CCDC163: variants seen among roughly 807,000 people sequenced by gnomAD.
CCDC163 encodes CCDC163 homolog.
Under a neutral mutation model 8.2 loss-of-function variants are expected in CCDC163, and 13 were observed. The ratio of observed to expected loss-of-function variants is 1.59; its 90% confidence interval spans 1.04 to 2.54. CCDC163 has a LOEUF of 2.54. CCDC163 is among the 30% of genes most tolerant of loss of function. CCDC163 has a pLI of 0.00. For synonymous variants in CCDC163, 41 were observed against 30.9 expected (o/e 1.33, Z -1.08); for missense variants, 117 against 78.6 (o/e 1.49, Z -1.85).
Position 45,500,063 on chromosome 1 carries a change from G to A in CCDC163, c.-454C>T. 1.8e-6 allele frequency: 1 copy of A among 555,258 alleles called. No homozygotes were observed. The highest frequency in any genetic ancestry group is 3.2e-6 in the Non-Finnish European group (1 of 308,480). 34.4% of individuals were successfully genotyped at this position (555,258 alleles called of 1,614,324 possible). A position where few individuals can be genotyped will look rare whatever the true frequency, so the allele number is the denominator to read the frequency against. ...CTTGCGAACACAACCGGCGATGGAGGCGGTGGAACTACCTTTCTCTAGAAG... is the reference window on the plus strand; with the variant it reads ...CTTGCGAACACAACCGGCGATGGAGACGGTGGAACTACCTTTCTCTAGAAG... On this transcript the variant is annotated 5_prime_UTR_variant, in exon 1 of 5. Transcript: ENST00000629482.
At chr1:45,498,751 T>C (rs1295441921) in intron 2 of CCDC163, 1 of 160,460 alleles carries the variant, frequency 6.2e-6, no homozygotes, top group East Asian at 1.9e-4. Flanking sequence ...TGTGGCAAAA[T>C]TGTGTGCATA....
Position 45,494,548 on chromosome 1 carries a change from C to G in CCDC163, c.*511G>C, listed in dbSNP as rs1199343647. 2 of 158,726 alleles carry G rather than the reference C, an allele frequency of 1.3e-5. No homozygotes were observed. The highest frequency in any genetic ancestry group is 2.8e-5 in the Non-Finnish European group (2 of 71,590). The allele number at this position is 158,726 out of a possible 1,614,324, so 9.8% of individuals were successfully genotyped here. A position where few individuals can be genotyped will look rare whatever the true frequency, so the allele number is the denominator to read the frequency against. ...AGATCCAAGTCCCACCAGAATATCT[C>G]ATCCTCCTTTGCATCCCCCAGCACT... is the stretch of plus-strand genomic sequence containing the variant. On this transcript the variant is annotated 3_prime_UTR_variant, in exon 5 of 5. Coordinates refer to ENST00000629482, the MANE Select transcript of CCDC163 (RefSeq NM_001102601.3).
Position 45,496,635 on chromosome 1 carries a change from A to C in CCDC163, c.263-12T>G. The C allele has an allele frequency of 1.3e-6, 1 of 777,724 alleles. No individual in the cohort carries two copies. Among genetic ancestry groups the C allele is most frequent in the South Asian group, 1.4e-5 (1 of 73,728 alleles). 48.2% of individuals were successfully genotyped at this position (777,724 alleles called of 1,614,324 possible). A position where few individuals can be genotyped will look rare whatever the true frequency, so the allele number is the denominator to read the frequency against. ...CTCCTGGTGCTGGCCTGCAGATGAG[A>C]GAGAATGTAAGGGGGCTGTTCCCCA... On this transcript the variant is annotated splice_polypyrimidine_tract_variant and intron_variant, in intron 3 of 4. Transcript: ENST00000629482.
At position 45,495,036 on chromosome 1, in the gene CCDC163, C is replaced by T. The variant is rs1301710018; in HGVS notation, c.*23G>A. Reference sequence around the variant, plus strand: ...GCAAAGAAGCCTTCATCCTACTATTCTTAACGAGTCCTTACAGGTCATTCA... The same window carrying T: ...GCAAAGAAGCCTTCATCCTACTATTTTTAACGAGTCCTTACAGGTCATTCA... On this transcript the variant is annotated 3_prime_UTR_variant, in exon 5 of 5. Transcript: ENST00000629482. The T allele has an allele frequency of 2.6e-6, 2 of 780,666 alleles. No homozygotes were observed. The highest frequency in any genetic ancestry group is 3.4e-5 in the African/African-American group (2 of 59,118). 48.4% of individuals were successfully genotyped at this position (780,666 alleles called of 1,614,324 possible).
chr1:45,497,627 G>A (rs1203892035), intron 2 of CCDC163, among the ~76,000 whole-genome samples: 5 of 112,758 alleles, frequency 4.4e-5, no homozygotes, highest in Non-Finnish European at 9.0e-5. Flanking sequence ...TGCCGAGACT[G>A]CAGCCTCTGC....
intron 2 of CCDC163, among the ~76,000 whole-genome samples, chr1:45,499,133 C>T (rs112635353): frequency 6.6e-6 from 1 of 152,174 alleles, no homozygotes; most frequent in African/African-American, 2.4e-5. Flanking sequence ...GCTTGGACTC[C>T]TGACTGCAGA....
rs1313871654 is a variant in CCDC163 at position 45,494,201 on chromosome 1, A to G, written c.*858T>C. ...GGCATGGTAGCAGCTCACACCTGTAATCTGAACACTTTGGGAGGCCAAAGT... is the reference window on the plus strand; with the variant it reads ...GGCATGGTAGCAGCTCACACCTGTAGTCTGAACACTTTGGGAGGCCAAAGT... On this transcript the variant is annotated 3_prime_UTR_variant, in exon 5 of 5. Coordinates refer to ENST00000629482, the MANE Select transcript of CCDC163 (RefSeq NM_001102601.3). 6.6e-6 allele frequency: 1 copy of G among 152,168 alleles called. No homozygotes were observed. Among genetic ancestry groups the G allele is most frequent in the Non-Finnish European group, 1.5e-5 (1 of 68,066 alleles). The allele number at this position is 152,168 out of a possible 1,614,324, so 9.4% of individuals were successfully genotyped here.
intron 2 of CCDC163, among the ~76,000 whole-genome samples, chr1:45,497,960 A>G (rs1282830066): frequency 1.3e-5 from 2 of 148,250 alleles, no homozygotes; most frequent in African/African-American, 2.5e-5. Context: ...TGGGGAAAAG[A>G]TTGAGAAATC....
In CCDC163 at chr1:45,496,488, G is replaced by C. The variant is rs1365859333; in HGVS notation, c.330+68C>G. ...GGTATCCTGGCCTCCCTGCAGAACA[G>C]GATAGACAGAGAAAGGAAAGGTCCT... On this transcript the variant is annotated intron_variant, in intron 4 of 4. Coordinates refer to ENST00000629482, the MANE Select transcript of CCDC163 (RefSeq NM_001102601.3). The C allele has an allele frequency of 1.1e-5, 8 of 746,940 alleles. No individual in the cohort carries two copies. In the Middle Eastern group the frequency reaches 6.8e-4, roughly 63 times the overall value. The allele number at this position is 746,940 out of a possible 1,614,324, so 46.3% of individuals were successfully genotyped here.
chr1:45,494,679 G>A lies in CCDC163; in HGVS notation c.*380C>T, dbSNP rs377568456. 1.8e-5 allele frequency: 5 copies of A among 274,002 alleles called. No homozygotes were observed. In the East Asian group the frequency reaches 4.1e-4, roughly 22 times the overall value. 17.0% of individuals were successfully genotyped at this position (274,002 alleles called of 1,614,324 possible). On this transcript the variant is annotated 3_prime_UTR_variant, in exon 5 of 5. Transcript: ENST00000629482. ...CACTCAGAAGGTACAGCTATAGGCT[G>A]GGCATGGTGGCTCACAACTGTAATC...
At position 45,494,647 on chromosome 1, in the gene CCDC163, G is replaced by A. The variant is rs1207491551; in HGVS notation, c.*412C>T. ...CTCCCATTACTTTCCAAGTTCAACT[G>A]AGCTTGCACTCAGAAGGTACAGCTA... On this transcript the variant is annotated 3_prime_UTR_variant, in exon 5 of 5. Transcript: ENST00000629482. 1 of 221,882 alleles carries A rather than the reference G, an allele frequency of 4.5e-6. No individual in the cohort carries two copies. The highest frequency in any genetic ancestry group is 2.2e-5 in the African/African-American group (1 of 44,636). 13.7% of individuals were successfully genotyped at this position (221,882 alleles called of 1,614,324 possible).
At chr1:45,496,408 GGA>G (rs141975850) in intron 4 of CCDC163, 146 bp downstream of exon 4, 114 of 695,156 alleles carry the variant, frequency 1.6e-4, no homozygotes, top group East Asian at 2.5e-4. Context: ...GAAGAGCTCT[GGA>G]GAGAGAGAGA....
Position 45,496,615 on chromosome 1 carries a change from G to A in CCDC163, c.271C>T (p.Gln91Ter), listed in dbSNP as rs765015491. Residue 91 changes from glutamine to a stop codon, truncating the protein, a stop_gained, in exon 4 of 5, where the codon CAG becomes TAG. Coordinates refer to ENST00000629482, the MANE Select transcript of CCDC163 (RefSeq NM_001102601.3). LOFTEE classifies it high-confidence loss of function. ...GCCAGCTGTTTCAGCAGCAGCTCCT[G>A]GTGCTGGCCTGCAGATGAGAGAGAA... ...KLLQYQLSQHQELLLKQLAEG... is the reference protein window; with the variant it reads ...KLLQYQLSQH 6 of 779,960 alleles carry A rather than the reference G, an allele frequency of 7.7e-6. No homozygotes were observed. Among genetic ancestry groups the A allele is most frequent in the Admixed American group, 5.1e-5 (3 of 58,920 alleles). 48.3% of individuals were successfully genotyped at this position (779,960 alleles called of 1,614,324 possible). A position where few individuals can be genotyped will look rare whatever the true frequency, so the allele number is the denominator to read the frequency against.
intron 4 of CCDC163, chr1:45,495,506 G>A (rs1273357455): frequency 2.8e-6 from 2 of 702,862 alleles, no homozygotes; most frequent in Admixed American, 4.0e-5. Context: ...TGAAGGTAGT[G>A]GGCAGAGGCA....
chr1:45,497,646 C>G (rs1332581149), intron 2 of CCDC163, among the ~76,000 whole-genome samples: 10 of 102,976 alleles, frequency 9.7e-5, no homozygotes, highest in Admixed American at 1.2e-4. Flanking sequence ...GCCCGGCCGC[C>G]ACCCCGTCTG....
intron 2 of CCDC163, among the ~76,000 whole-genome samples, chr1:45,498,221 G>A (rs573991437): frequency 2.0e-5 from 3 of 152,002 alleles, no homozygotes; most frequent in East Asian, 1.9e-4. Context: ...CTAATCTCAA[G>A]TACCCAGGGA....
At position 45,496,639 on chromosome 1, in the gene CCDC163, A is replaced by G. The variant is rs1055881447; in HGVS notation, c.263-16T>C. ...TGGTGCTGGCCTGCAGATGAGAGAG[A>G]ATGTAAGGGGGCTGTTCCCCAACTT... On this transcript the variant is annotated splice_polypyrimidine_tract_variant and intron_variant, in intron 3 of 4. Transcript: ENST00000629482. 1 of 777,076 alleles carries G rather than the reference A, an allele frequency of 1.3e-6. No homozygotes were observed. Among genetic ancestry groups the G allele is most frequent in the Non-Finnish European group, 2.4e-6 (1 of 416,428 alleles). 48.1% of individuals were successfully genotyped at this position (777,076 alleles called of 1,614,324 possible).
rs553983896 is a variant in CCDC163 at position 45,497,029 on chromosome 1, T to A, written c.262+270A>T. ...TACTAAAAATATGAAAAAAAGTGGC[T>A]GGGCATGGTGGCGGGCACCTGTAAT... On this transcript the variant is annotated intron_variant, in intron 3 of 4. Coordinates refer to ENST00000629482, the MANE Select transcript of CCDC163 (RefSeq NM_001102601.3). Among the ~76,000 whole-genome samples, 28 of 151,922 alleles carry A rather than the reference T, an allele frequency of 1.8e-4. No individual in the cohort carries two copies. The East Asian group carries it at 4.7e-3, about 25-fold the overall frequency.
rs749518396 is a variant in CCDC163 at position 45,496,631 on chromosome 1, TGAGA to T, written c.263-12_263-9del. ...GCAGCTCCTGGTGCTGGCCTGCAGA[TGAGA>T]GAGAATGTAAGGGGGCTGTTCCCCA... On this transcript the variant is annotated splice_polypyrimidine_tract_variant and intron_variant, in intron 3 of 4. Coordinates refer to ENST00000629482, the MANE Select transcript of CCDC163 (RefSeq NM_001102601.3). 1.3e-6 allele frequency: 1 copy of T among 778,350 alleles called. No homozygotes were observed. Among genetic ancestry groups the T allele is most frequent in the African/African-American group, 1.7e-5 (1 of 59,134 alleles). The allele number at this position is 778,350 out of a possible 1,614,324, so 48.2% of individuals were successfully genotyped here.
Sources: gnomAD v4.1 joint callset for allele counts (sites outside exome capture counted in the v4.1 genomes callset) on GRCh38, gnomAD v4.1.1 for gene constraint, MANE v1.5 for transcripts, NCBI Gene and HGNC (gene_info 2026-07-23, HGNC 2026-07-21) for gene names.